Variants in CNTN4 observed in about 807,000 individuals in gnomAD.
The protein encoded by CNTN4 is contactin 4.
Under a neutral mutation model 122.5 loss-of-function variants are expected in CNTN4, and 77 were observed. The observed-to-expected ratio is 0.63, with a 90% CI of 0.52 to 0.76. The LOEUF is 0.76. Among genes scored for constraint, CNTN4 ranks in the 30% least tolerant of loss-of-function variants. The pLI, the probability that CNTN4 is intolerant of heterozygous loss-of-function variation, is 0.00. For synonymous variants in CNTN4, 512 were observed against 447.0 expected (o/e 1.15, Z -1.83); for missense variants, 1,256 against 1,259.1 (o/e 1.00, Z 0.04).
chr3:2,731,253 A>T lies in CNTN4; in HGVS notation c.56-4962A>T, dbSNP rs140302688. Among the ~76,000 whole-genome samples the T allele has an allele frequency of 2.8e-4, 43 of 151,926 alleles. 1 individual carries two copies. In the East Asian group the frequency reaches 7.6e-3, roughly 27 times the overall value. On this transcript the variant is annotated intron_variant, in intron 4 of 24. Coordinates refer to ENST00000418658, the MANE Select transcript of CNTN4 (RefSeq NM_175607.3). ...TTTTCTGATAATCCAAAGATTTCCC[A>T]CTCCTTGTTGAAGCATGAAAGCAGA...
chr3:3,045,997 C>CTG (rs1700608031), intron 23 of CNTN4, among the ~76,000 whole-genome samples: 2 of 152,104 alleles, frequency 1.3e-5, no homozygotes, highest in Non-Finnish European at 2.9e-5. Context: ...GCTTCAGTAG[C>CTG]CAATTCGATC....
chr3:2,157,551 A>C (rs2035777219), intron 2 of CNTN4, among the ~76,000 whole-genome samples: 2 of 152,160 alleles, frequency 1.3e-5, no homozygotes, highest in South Asian at 4.1e-4. Context: ...TGGGCTCAAA[A>C]TCTCACTTTA....
chr3:2,117,163 T>A (rs2033413721), intron 2 of CNTN4, among the ~76,000 whole-genome samples: 1 of 152,188 alleles, frequency 6.6e-6, no homozygotes, highest in Admixed American at 6.5e-5. Context: ...TTTAATGGCA[T>A]TTCTAAAACA....
intron 4 of CNTN4, among the ~76,000 whole-genome samples, chr3:2,583,954 C>A (rs1306375041): frequency 6.6e-6 from 1 of 152,144 alleles, no homozygotes; most frequent in East Asian, 1.9e-4. Flanking sequence ...AAGCTACTGC[C>A]TTGGTACAGC....
chr3:2,685,899 CTG>C (rs1222270310), intron 4 of CNTN4, among the ~76,000 whole-genome samples: 8 of 152,124 alleles, frequency 5.3e-5, no homozygotes, highest in Non-Finnish European at 8.8e-5. Context: ...ACATTATACT[CTG>C]TGATTTTGGG....
At chr3:2,941,533 C>A (rs1010601544) in intron 13 of CNTN4, among the ~76,000 whole-genome samples, 1 of 152,212 alleles carries the variant, frequency 6.6e-6, no homozygotes, top group African/African-American at 2.4e-5. Flanking sequence ...TTTCATCACC[C>A]CATTTATCCT....
intron 13 of CNTN4, among the ~76,000 whole-genome samples, chr3:2,959,116 T>C (rs1354864132): frequency 1.3e-5 from 2 of 152,220 alleles, no homozygotes; most frequent in Non-Finnish European, 2.9e-5. Flanking sequence ...AAGTAAAATA[T>C]GTAAGCACTT....
At chr3:2,791,079 G>T (rs1029479233) in intron 6 of CNTN4, among the ~76,000 whole-genome samples, 2 of 152,136 alleles carry the variant, frequency 1.3e-5, no homozygotes, top group African/African-American at 4.8e-5. Context: ...ATTTGAGTCG[G>T]CAGAATTTCA....
chr3:3,048,083 C>A (rs1479903050), intron 23 of CNTN4, among the ~76,000 whole-genome samples: 1 of 152,110 alleles, frequency 6.6e-6, no homozygotes. Flanking sequence ...CACCCTACAC[C>A]TCCTCAACTA....
intron 2 of CNTN4, among the ~76,000 whole-genome samples, chr3:2,297,156 A>C (rs1246532477): frequency 6.6e-6 from 1 of 152,194 alleles, no homozygotes; most frequent in African/African-American, 2.4e-5. Context: ...AATGTCTTTC[A>C]ATCAGTTTAT....
chr3:2,201,257 A>C (rs189795808), intron 2 of CNTN4, among the ~76,000 whole-genome samples: 1 of 152,292 alleles, frequency 6.6e-6, no homozygotes, highest in Admixed American at 6.5e-5. Context: ...TAGCTTCAAG[A>C]ATACTCCCTC....
intron 13 of CNTN4, among the ~76,000 whole-genome samples, chr3:2,954,836 A>T (rs7612113): frequency 0.026 from 4,022 of 152,056 alleles, 158 homozygotes; most frequent in African/African-American, 0.089. Flanking sequence ...AATTTTGTTT[A>T]GATTTTAAAA....
At chr3:2,611,999 T>TA (rs1209408595) in intron 4 of CNTN4, among the ~76,000 whole-genome samples, 22 of 78,832 alleles carry the variant, frequency 2.8e-4, no homozygotes, top group African/African-American at 1.3e-3. Context: ...TGAAGATTCT[T>TA]ACAAAATATT....
intron 4 of CNTN4, among the ~76,000 whole-genome samples, chr3:2,685,395 C>G (rs2085381160): frequency 6.6e-6 from 1 of 152,084 alleles, no homozygotes; most frequent in Non-Finnish European, 1.5e-5. Flanking sequence ...CCCAAGGAAA[C>G]CAAAGGGAGC....
chr3:2,279,561 A>G (rs1026755126), intron 2 of CNTN4, among the ~76,000 whole-genome samples: 1 of 152,196 alleles, frequency 6.6e-6, no homozygotes, highest in Non-Finnish European at 1.5e-5. Context: ...GGACTGAACT[A>G]TATTAAGAAT....
chr3:2,825,686 C>G (rs1430283869), intron 7 of CNTN4, among the ~76,000 whole-genome samples: 1 of 152,118 alleles, frequency 6.6e-6, no homozygotes, highest in African/African-American at 2.4e-5. Context: ...GAGATCCTGT[C>G]TTAAAAGCAA....
At chr3:2,646,845 C>T (rs1159230628) in intron 4 of CNTN4, among the ~76,000 whole-genome samples, 1 of 152,128 alleles carries the variant, frequency 6.6e-6, no homozygotes, top group East Asian at 1.9e-4. Flanking sequence ...ATAAGGACAG[C>T]AGTCAGATTG....
intron 2 of CNTN4, among the ~76,000 whole-genome samples, chr3:2,100,955 G>A (rs1237428978): frequency 4.6e-5 from 7 of 152,100 alleles, no homozygotes; most frequent in Non-Finnish European, 7.4e-5. Context: ...CTTGGATAAG[G>A]GTGCATGTCA....
At chr3:2,442,252 T>G (rs1265738184) in intron 3 of CNTN4, among the ~76,000 whole-genome samples, 1 of 152,104 alleles carries the variant, frequency 6.6e-6, no homozygotes, top group Non-Finnish European at 1.5e-5. Flanking sequence ...TTTTGTTAAA[T>G]CGAGGAAGGA....
Sources: allele counts gnomAD v4.1 joint callset (sites outside exome capture counted in the v4.1 genomes callset), GRCh38; gene constraint gnomAD v4.1.1; transcripts MANE v1.5; gene names NCBI Gene and HGNC (gene_info 2026-07-23, HGNC 2026-07-21).